The following UBE2E3 variants were observed in gnomAD, a reference collection of about 807,000 sequenced individuals.
UBE2E3 encodes the protein ubiquitin-conjugating enzyme E2 E3.
UBE2E3 carries 5 observed loss-of-function variants against 23.6 expected under a neutral mutation model. The observed-to-expected ratio is 0.21, with a 90% CI of 0.11 to 0.44. The LOEUF is 0.44. UBE2E3 is among the 20% of genes least tolerant of loss of function. UBE2E3 has a pLI of 0.99. For synonymous variants in UBE2E3, 78 were observed against 87.5 expected, an observed-to-expected ratio of 0.89 and a Z score of 0.60; for missense variants, 81 against 249.8, an observed-to-expected ratio of 0.32 and a Z score of 4.55.
chr2:180,989,966 A>G, intron 3 of UBE2E3: 2 of 1,545,984 alleles, frequency 1.3e-6, no homozygotes, highest in Non-Finnish European at 1.7e-6. Flanking sequence ...CTTCCCTATC[A>G]ATATGAGATA....
intron 4 of UBE2E3, among the ~76,000 whole-genome samples, chr2:181,059,947 A>G (rs908734): frequency 0.23 from 35,037 of 151,244 alleles, 4,393 homozygotes; most frequent in Non-Finnish European, 0.28. Context: ...TAGCTATCCA[A>G]TTAGTGTTTG....
intron 3 of UBE2E3, among the ~76,000 whole-genome samples, chr2:181,017,344 G>A (rs1333976527): frequency 6.6e-6 from 1 of 152,274 alleles, no homozygotes; most frequent in East Asian, 1.9e-4. Context: ...AGTAAAGGGG[G>A]CTCAGAAATG....
At chr2:180,990,647 T>C (rs1384295496) in intron 3 of UBE2E3, among the ~76,000 whole-genome samples, 3 of 152,252 alleles carry the variant, frequency 2.0e-5, no homozygotes, top group Admixed American at 6.5e-5. Context: ...AGCAGTATTT[T>C]ATTTCTTTTA....
At chr2:181,046,590 G>A (rs1050906648) in intron 3 of UBE2E3, among the ~76,000 whole-genome samples, 1 of 152,124 alleles carries the variant, frequency 6.6e-6, no homozygotes. Context: ...ATATATTGGC[G>A]AAATGGCTTC....
intron 3 of UBE2E3, among the ~76,000 whole-genome samples, chr2:180,996,667 C>T (rs1684829259): frequency 6.6e-6 from 1 of 152,150 alleles, no homozygotes; most frequent in Non-Finnish European, 1.5e-5. Flanking sequence ...AGGGGAGGGG[C>T]TGTCACTTGG....
chr2:181,011,155 G>GT (rs1392719989), intron 3 of UBE2E3, among the ~76,000 whole-genome samples: 3 of 151,782 alleles, frequency 2.0e-5, no homozygotes, highest in African/African-American at 7.3e-5. Context: ...GTCTTAATCT[G>GT]TTTTGTGTTG....
At position 181,042,701 on chromosome 2, in the gene UBE2E3, G is replaced by A. The variant is rs13004531; in HGVS notation, c.246-14992G>A. On this transcript the variant is annotated intron_variant, in intron 3 of 5. Coordinates refer to ENST00000410062, the MANE Select transcript of UBE2E3 (RefSeq NM_006357.4). ...GTAAGACTAGGGACCCATACTAAAT[G>A]ATATCTAAAGACCTTTCAATTCTGA... 4.7e-3 allele frequency among the ~76,000 whole-genome samples: 710 copies of A among 152,274 alleles called. 6 individuals are homozygous for A. Among genetic ancestry groups the A allele is most frequent in the Non-Finnish European group, 8.1e-3 (550 of 68,014 alleles).
rs184520910 is a variant in UBE2E3 at position 181,005,622 on chromosome 2, T to C, written c.245+21529T>C. ...GATGGTTCACTTAACTAATTTATAT[T>C]ACCTGTGTGGCACCTTACTGACATT... On this transcript the variant is annotated intron_variant, in intron 3 of 5. Coordinates refer to ENST00000410062, the MANE Select transcript of UBE2E3 (RefSeq NM_006357.4). Among the ~76,000 whole-genome samples, 16 of 151,368 alleles carry C rather than the reference T, an allele frequency of 1.1e-4. No individual in the cohort carries two copies. The East Asian group carries it at 3.1e-3, about 29-fold the overall frequency.
At position 181,015,381 on chromosome 2, in the gene UBE2E3, A is replaced by T. The variant is rs565319153; in HGVS notation, c.245+31288A>T. Among the ~76,000 whole-genome samples the T allele has an allele frequency of 2.0e-5, 3 of 152,256 alleles. No individual in the cohort carries two copies. The East Asian group carries it at 5.8e-4, about 29-fold the overall frequency. On this transcript the variant is annotated intron_variant, in intron 3 of 5. Transcript: ENST00000410062. ...ATTTTTTTTATTTTAATACATCTAG[A>T]ACATTTTGTCAATAACTACAGTGTT...
intron 3 of UBE2E3, among the ~76,000 whole-genome samples, chr2:181,034,540 GC>G (rs1346396319): frequency 1.3e-5 from 2 of 152,160 alleles, no homozygotes; most frequent in African/African-American, 2.4e-5. Context: ...GGTGGGGGGA[GC>G]GGGGAGAGAT....
chr2:181,042,267 A>T (rs1269841529), intron 3 of UBE2E3, among the ~76,000 whole-genome samples: 1 of 152,202 alleles, frequency 6.6e-6, no homozygotes, highest in African/African-American at 2.4e-5. Flanking sequence ...TTGTTAATTC[A>T]AGGGTATTGT....
intron 3 of UBE2E3, among the ~76,000 whole-genome samples, chr2:181,033,813 A>T (rs1248485003): frequency 6.6e-6 from 1 of 152,182 alleles, no homozygotes; most frequent in African/African-American, 2.4e-5. Flanking sequence ...GAATCTACAA[A>T]GAACTCAAAC....
intron 3 of UBE2E3, among the ~76,000 whole-genome samples, chr2:181,033,701 G>A (rs1001909645): frequency 3.3e-5 from 5 of 152,130 alleles, no homozygotes; most frequent in African/African-American, 1.2e-4. Flanking sequence ...AAACTAAAGA[G>A]CTTCTGCACA....
chr2:180,980,421 T>C (rs1158303657), upstream of UBE2E3: 1 of 151,166 alleles, frequency 6.6e-6, no homozygotes, highest in African/African-American at 2.4e-5. The surrounding 1 kb of genome is among the most constrained non-coding windows in gnomAD (Gnocchi z 5.5). Context: ...CCGCGCTCTT[T>C]GTCCTGGCCG....
chr2:181,038,694 A>G (rs535475850), intron 3 of UBE2E3, among the ~76,000 whole-genome samples: 2 of 152,364 alleles, frequency 1.3e-5, no homozygotes, highest in African/African-American at 4.8e-5. Context: ...TCTGTCTGAT[A>G]AAAGACTTGT....
chr2:181,018,843 A>AT (rs1685581919), intron 3 of UBE2E3, among the ~76,000 whole-genome samples: 1 of 152,026 alleles, frequency 6.6e-6, no homozygotes, highest in Non-Finnish European at 1.5e-5. Flanking sequence ...GGGGAGTGTT[A>AT]TTTTCCTCAT....
chr2:181,018,368 G>A (rs1019394741), intron 3 of UBE2E3, among the ~76,000 whole-genome samples: 5 of 141,050 alleles, frequency 3.5e-5, no homozygotes, highest in African/African-American at 1.3e-4. Flanking sequence ...CTCTGTGTGT[G>A]TGTATATATA....
chr2:180,996,632 TC>T (rs961291659), intron 3 of UBE2E3, among the ~76,000 whole-genome samples: 7 of 152,010 alleles, frequency 4.6e-5, no homozygotes, highest in South Asian at 4.2e-4. Flanking sequence ...ACCTGCCTCT[TC>T]CCCCCCATTT....
chr2:181,048,301 A>T (rs959958563), intron 3 of UBE2E3, among the ~76,000 whole-genome samples: 1 of 152,166 alleles, frequency 6.6e-6, no homozygotes, highest in African/African-American at 2.4e-5. Context: ...TTTCTTGTAC[A>T]GATTCCTAGC....
Sources: gnomAD v4.1 joint callset for allele counts (sites outside exome capture counted in the v4.1 genomes callset) on GRCh38, gnomAD v4.1.1 for gene constraint, Gnocchi (gnomAD v3.1) non-coding constraint, MANE v1.5 for transcripts, NCBI Gene and HGNC (gene_info 2026-07-23, HGNC 2026-07-21) for gene names.